MAOB: variants seen among roughly 807,000 people sequenced by gnomAD.
The protein encoded by MAOB is amine oxidase [flavin-containing] B.
Under a neutral mutation model 41.9 loss-of-function variants are expected in MAOB, and 15 were observed. The ratio of observed to expected loss-of-function variants is 0.36; its 90% CI spans 0.24 to 0.55. MAOB has a LOEUF of 0.55. Ranked by LOEUF, MAOB falls within the 20% of genes least tolerant of loss-of-function variation. The pLI is 0.86. For synonymous variants in MAOB, 167 were observed against 144.2 expected (o/e 1.16, Z -1.13); for missense variants, 345 against 398.7 (o/e 0.87, Z 1.15).
intron 1 of MAOB, among the ~76,000 whole-genome samples, chrX:43,869,696 C>T (rs186917163): frequency 1.8e-5 from 2 of 112,258 alleles, no homozygotes; most frequent in East Asian, 5.6e-4. Flanking sequence ...ACTCTTACAT[C>T]ATTTTTTGAA....
At chrX:43,774,624 C>A (rs919688252) in intron 12 of MAOB, among the ~76,000 whole-genome samples, 1 of 111,552 alleles carries the variant, frequency 9.0e-6, no homozygotes, top group Non-Finnish European at 1.9e-5. Flanking sequence ...AGAGCTGGGA[C>A]CCAAGTCTCT....
intron 1 of MAOB, chrX:43,850,286 AT>A (rs1463792873): frequency 2.9e-6 from 2 of 691,568 alleles, no homozygotes; most frequent in Admixed American, 8.9e-5. Flanking sequence ...TAAAATCAGA[AT>A]TTTTAAATTA....
chrX:43,772,011 C>T (rs1487002987), intron 12 of MAOB, among the ~76,000 whole-genome samples: 1 of 111,045 alleles, frequency 9.0e-6, no homozygotes, highest in Non-Finnish European at 1.9e-5. Context: ...TTTTTTTCAC[C>T]CTATCCAGAA....
intron 1 of MAOB, among the ~76,000 whole-genome samples, chrX:43,872,443 A>G (rs1251877099): frequency 8.9e-6 from 1 of 111,839 alleles, no homozygotes; most frequent in Non-Finnish European, 1.9e-5. Context: ...CCATTATTAC[A>G]ATTCCATCAT....
chrX:43,812,382 T>C (rs1377101559), intron 3 of MAOB, among the ~76,000 whole-genome samples: 3 of 112,337 alleles, frequency 2.7e-5, no homozygotes, highest in Non-Finnish European at 5.6e-5. Flanking sequence ...TGCTGGATCA[T>C]ATGGTAGCTC....
chrX:43,860,551 G>A (rs998375106), intron 1 of MAOB, among the ~76,000 whole-genome samples: 59 of 111,333 alleles, frequency 5.3e-4, no homozygotes, highest in African/African-American at 1.9e-3. Flanking sequence ...ATACCATCTT[G>A]GTCTAAGACA....
intron 1 of MAOB, among the ~76,000 whole-genome samples, chrX:43,866,555 G>A (rs1185482447): frequency 8.9e-6 from 1 of 112,052 alleles, no homozygotes; most frequent in Non-Finnish European, 1.9e-5. Context: ...GCCAGGGGCT[G>A]GGGAAGAAGG....
chrX:43,824,934 T>C (rs764778837), intron 3 of MAOB, among the ~76,000 whole-genome samples: 6 of 112,942 alleles, frequency 5.3e-5, no homozygotes, highest in Non-Finnish European at 1.1e-4. Context: ...TCACATCATG[T>C]TACTTCTCTA....
intron 3 of MAOB, among the ~76,000 whole-genome samples, chrX:43,810,168 A>G (rs1041151296): frequency 5.6e-5 from 5 of 88,834 alleles, no homozygotes; most frequent in South Asian, 5.8e-4. Context: ...GCGTGAACCC[A>G]GGAGGCGGAG....
intron 1 of MAOB, among the ~76,000 whole-genome samples, chrX:43,860,143 T>G (rs1194238872): frequency 8.9e-6 from 1 of 111,964 alleles, no homozygotes; most frequent in African/African-American, 3.2e-5. Flanking sequence ...ATACCTTTGC[T>G]GGATTCTTCT....
chrX:43,806,878 A>T (rs1200410099), intron 3 of MAOB, among the ~76,000 whole-genome samples: 1 of 111,405 alleles, frequency 9.0e-6, no homozygotes, highest in East Asian at 2.8e-4. Flanking sequence ...GCACTCCTTC[A>T]GGTCGGCTCC....
intron 13 of MAOB, 107 bp from the exon 14 acceptor site, chrX:43,768,823 A>G: frequency 4.4e-6 from 3 of 683,836 alleles, no homozygotes; most frequent in Non-Finnish European, 6.9e-6. Flanking sequence ...CATCAAAAAC[A>G]CCAAGGTAAA....
chrX:43,874,189 G>A (rs1328135332), intron 1 of MAOB, among the ~76,000 whole-genome samples: 1 of 111,842 alleles, frequency 8.9e-6, no homozygotes, highest in Non-Finnish European at 1.9e-5. Flanking sequence ...AAATATAGGT[G>A]GCAATAGTAA....
intron 8 of MAOB, among the ~76,000 whole-genome samples, chrX:43,789,786 A>G (rs1429000927): frequency 8.9e-6 from 1 of 112,208 alleles, no homozygotes; most frequent in African/African-American, 3.2e-5. Flanking sequence ...ACAGGAGATG[A>G]CCATGTGAGG....
In MAOB at chrX:43,826,933, G is replaced by A. The variant is rs749344987; in HGVS notation, c.279+11935C>T. Among the ~76,000 whole-genome samples, 61 of 111,973 alleles carry A rather than the reference G, an allele frequency of 5.4e-4. 3 individuals are homozygous for A. The highest frequency in any genetic ancestry group is 3.4e-3 in the East Asian group (12 of 3,580). Reference sequence around the variant, plus strand: ...ACATATTCCAACCAAAGTATCTGCCGTCATGGAACTTGCCTTCTACCAGGA... The same window carrying A: ...ACATATTCCAACCAAAGTATCTGCCATCATGGAACTTGCCTTCTACCAGGA... On this transcript the variant is annotated intron_variant, in intron 3 of 14. Coordinates refer to ENST00000378069, the MANE Select transcript of MAOB (RefSeq NM_000898.5).
chrX:43,801,955 T>C (rs966861517), intron 5 of MAOB, among the ~76,000 whole-genome samples: 3 of 113,021 alleles, frequency 2.7e-5, no homozygotes, highest in African/African-American at 9.6e-5. Context: ...CACAGGGTAA[T>C]ACCACCTTTG....
At chrX:43,821,452 C>T (rs1257943428) in intron 3 of MAOB, among the ~76,000 whole-genome samples, 2 of 111,597 alleles carry the variant, frequency 1.8e-5, no homozygotes, top group African/African-American at 3.3e-5. Context: ...CTCACAGGTG[C>T]CGGATGACAG....
intron 6 of MAOB, among the ~76,000 whole-genome samples, chrX:43,796,749 A>C (rs1216086206): frequency 2.7e-5 from 3 of 111,943 alleles, no homozygotes; most frequent in African/African-American, 9.7e-5. Context: ...TAGATAAATG[A>C]ATTCCATGAA....
chrX:43,808,410 G>A (rs1165708567), intron 3 of MAOB, among the ~76,000 whole-genome samples: 1 of 111,448 alleles, frequency 9.0e-6, no homozygotes, highest in East Asian at 2.8e-4. Context: ...TGTGAGCCCA[G>A]CAGATGTGGT....
Sources: allele counts gnomAD v4.1 joint callset (sites outside exome capture counted in the v4.1 genomes callset), GRCh38; gene constraint gnomAD v4.1.1; transcripts MANE v1.5; gene names NCBI Gene and HGNC (gene_info 2026-07-23, HGNC 2026-07-21).